The following GSE1 variants were observed in gnomAD, a reference collection of about 807,000 sequenced individuals.
GSE1 encodes the protein Gse1 coiled-coil protein, also known as genetic suppressor element 1.
A neutral mutation model predicts 112.6 loss-of-function variants in GSE1; 32 were observed. The ratio of observed to expected loss-of-function variants is 0.28; its 90% CI spans 0.21 to 0.38. The LOEUF is 0.38. Among genes scored for constraint, GSE1 ranks in the 10% least tolerant of loss-of-function variants. The pLI, the probability that GSE1 is intolerant of heterozygous loss-of-function variation, is 1.00. For synonymous variants in GSE1, 1,115 were observed against 735.6 expected, an observed-to-expected ratio of 1.52 and a Z score of -8.35; for missense variants, 2,348 against 1,699.2, an observed-to-expected ratio of 1.38 and a Z score of -6.71.
chr16:85,594,232 T>TGGG (rs1567626522), intron 1 of GSE1: 8 of 6,598 alleles, frequency 1.2e-3, no homozygotes, highest in Admixed American at 5.9e-3. Flanking sequence ...CCCTGGGGGG[T>TGGG]TGGGGGGGGG....
At chr16:85,379,600 G>T (rs933137106) in intron 2 of GSE1, among the ~76,000 whole-genome samples, 1 of 152,200 alleles carries the variant, frequency 6.6e-6, no homozygotes, top group East Asian at 1.9e-4. Flanking sequence ...TTACTTAGAA[G>T]CAGCAGCCCA....
intron 1 of GSE1, among the ~76,000 whole-genome samples, chr16:85,318,061 G>A (rs977964300): frequency 6.6e-6 from 1 of 152,224 alleles, no homozygotes; most frequent in Non-Finnish European, 1.5e-5. Flanking sequence ...AACAGGGCAG[G>A]GGAGGAGGCC....
intron 2 of GSE1, among the ~76,000 whole-genome samples, chr16:85,501,089 C>T (rs2051351032): frequency 6.7e-6 from 1 of 150,090 alleles, no homozygotes; most frequent in Non-Finnish European, 1.5e-5. Flanking sequence ...CAAGCTCCGC[C>T]TCCCGGGTGC....
chr16:85,345,308 A>G (rs1258227930), intron 1 of GSE1, among the ~76,000 whole-genome samples: 1 of 152,258 alleles, frequency 6.6e-6, no homozygotes, highest in Non-Finnish European at 1.5e-5. Context: ...TGGAACAGCC[A>G]CACATGTTCA....
At chr16:85,264,597 C>T (rs1908042223) in intron 1 of GSE1, among the ~76,000 whole-genome samples, 1 of 152,296 alleles carries the variant, frequency 6.6e-6, no homozygotes, top group Middle Eastern at 3.4e-3. Flanking sequence ...GGGGCCAGGG[C>T]CGGGGGTGGC....
intron 2 of GSE1, among the ~76,000 whole-genome samples, chr16:85,372,777 C>G: frequency 6.6e-6 from 1 of 152,060 alleles, no homozygotes; most frequent in East Asian, 1.9e-4. Flanking sequence ...TACTGTATAC[C>G]AAGGTTCTTC....
chr16:85,252,324 T>TCTCCATGCGATCACCTGGCCTGGCTCCTG (rs1906578129), intron 1 of GSE1, among the ~76,000 whole-genome samples: 1 of 152,290 alleles, frequency 6.6e-6, no homozygotes, highest in Non-Finnish European at 1.5e-5. Flanking sequence ...CCTGTCACTG[T>TCTCCATGCGATCACCTGGCCTGGCTCCTG]AGCTCAGTGT....
At chr16:85,499,337 G>A (rs2051287010) in intron 2 of GSE1, among the ~76,000 whole-genome samples, 1 of 110,438 alleles carries the variant, frequency 9.1e-6, no homozygotes, top group Non-Finnish European at 1.7e-5. Context: ...TTGAGACAGA[G>A]TCTCACTCAG....
chr16:85,296,163 G>C (rs1023199998), intron 1 of GSE1, among the ~76,000 whole-genome samples: 2 of 152,138 alleles, frequency 1.3e-5, no homozygotes, highest in African/African-American at 4.8e-5. Flanking sequence ...ACTGCACAAG[G>C]TACGAAAGGC....
chr16:85,635,656 C>T (rs1372875861), intron 2 of GSE1, among the ~76,000 whole-genome samples: 1 of 152,128 alleles, frequency 6.6e-6, no homozygotes, highest in Non-Finnish European at 1.5e-5. Context: ...TTTTTCTCAG[C>T]GTTTGGGGGC....
intron 1 of GSE1, among the ~76,000 whole-genome samples, chr16:85,348,136 C>T (rs955218358): frequency 1.3e-5 from 2 of 152,276 alleles, no homozygotes; most frequent in Admixed American, 1.3e-4. Flanking sequence ...TTTGGCCAGG[C>T]CACCTACCTG....
chr16:85,239,444 C>T (rs143242085), intron 1 of GSE1, among the ~76,000 whole-genome samples: 148 of 152,306 alleles, frequency 9.7e-4, no homozygotes, highest in East Asian at 3.9e-3. Context: ...TGAGGAGGAC[C>T]GTCTGCTTCA....
intron 1 of GSE1, among the ~76,000 whole-genome samples, chr16:85,590,840 CTT>C (rs2046974268): frequency 2.6e-5 from 4 of 152,208 alleles, no homozygotes; most frequent in Admixed American, 2.6e-4. Flanking sequence ...TGGGACCCCT[CTT>C]TTCCGTCCTG....
At chr16:85,233,145 T>C (rs1484775418) in intron 1 of GSE1, among the ~76,000 whole-genome samples, 1 of 152,258 alleles carries the variant, frequency 6.6e-6, no homozygotes, top group Admixed American at 6.5e-5. Context: ...CCAGTCCTGG[T>C]CTTCTCATCC....
At chr16:85,561,981 G>A (rs1474704346) in intron 1 of GSE1, among the ~76,000 whole-genome samples, 1 of 152,224 alleles carries the variant, frequency 6.6e-6, no homozygotes, top group Admixed American at 6.5e-5. Context: ...AGGCGGGGAC[G>A]GGGCACCCGC....
At chr16:85,471,379 C>T (rs933134089) in intron 2 of GSE1, among the ~76,000 whole-genome samples, 2 of 152,196 alleles carry the variant, frequency 1.3e-5, no homozygotes, top group African/African-American at 2.4e-5. Flanking sequence ...ATAGGTCAGG[C>T]TCATAGGCCT....
intron 1 of GSE1, among the ~76,000 whole-genome samples, chr16:85,577,611 G>T (rs1023424532): frequency 6.6e-6 from 1 of 152,216 alleles, no homozygotes; most frequent in Non-Finnish European, 1.5e-5. Context: ...GCTGACCCCA[G>T]AGAGGCACAG....
intron 2 of GSE1, among the ~76,000 whole-genome samples, chr16:85,533,110 C>T (rs1057318010): frequency 2.0e-5 from 3 of 152,160 alleles, no homozygotes; most frequent in Non-Finnish European, 4.4e-5. Context: ...TGTGTCTTGT[C>T]TTTTAGAAAT....
At chr16:85,265,728 C>T (rs1311015256) in intron 1 of GSE1, among the ~76,000 whole-genome samples, 2 of 152,084 alleles carry the variant, frequency 1.3e-5, no homozygotes, top group Admixed American at 1.3e-4. Flanking sequence ...TTGATCAGGC[C>T]ATTGGGGGGC....
Sources: allele counts gnomAD v4.1 joint callset (sites outside exome capture counted in the v4.1 genomes callset), GRCh38; gene constraint gnomAD v4.1.1; transcripts MANE v1.5; gene names NCBI Gene and HGNC (gene_info 2026-07-23, HGNC 2026-07-21).